The following VWDE variants were observed in gnomAD, a reference collection of about 807,000 sequenced individuals.
The protein encoded by VWDE is von Willebrand factor D and EGF domain-containing protein.
A neutral mutation model predicts 178.4 loss-of-function variants in VWDE; 207 were observed. The ratio of observed to expected loss-of-function variants is 1.16; its 90% CI spans 1.04 to 1.30. The LOEUF (loss-of-function observed/expected upper bound fraction) is 1.30, where lower values mean the gene tolerates loss of function less well. Among genes scored for constraint, VWDE ranks in the 50% most tolerant of loss-of-function variants. The pLI is 0.00. For missense variants in VWDE, 2,287 were observed against 1,901.3 expected (o/e 1.20, Z -3.77); for synonymous variants, 738 against 651.4 (o/e 1.13, Z -2.02).
Position 12,337,209 on chromosome 7 carries a change from C to T in VWDE, c.4430G>A (p.Arg1477His), listed in dbSNP as rs200831817. The T allele has an allele frequency of 3.8e-4, 592 of 1,551,940 alleles. 1 individual carries two copies. The Middle Eastern group carries it at 0.016, about 42-fold the overall frequency. Reference sequence around the variant, plus strand: ...GAATCTCCTACCAGTGTATCCTTCACGACAGACGCACACATTATTTCTCAT... The same window carrying T: ...GAATCTCCTACCAGTGTATCCTTCATGACAGACGCACACATTATTTCTCAT... ...HCMRNNVCVCREGYTGRRFQK... is the reference protein window; with the variant it reads ...HCMRNNVCVCHEGYTGRRFQK... The change falls in exon 25 of 29, where the codon CGT becomes CAT. Residue 1477 changes from arginine (R) to histidine (H), a missense_variant. Physicochemically the swap from Arg to His is conservative, Grantham distance 29 (BLOSUM62 0). Coordinates refer to ENST00000275358, the MANE Select transcript of VWDE (RefSeq NM_001135924.3).
chr7:12,379,432 G>T, intron 6 of VWDE, 45 bp downstream of exon 6: 1 of 1,395,900 alleles, frequency 7.2e-7, no homozygotes, highest in Non-Finnish European at 9.9e-7. Context: ...GGGAAACATA[G>T]TTCCAGAGGA....
chr7:12,361,184 A>G lies in VWDE; in HGVS notation c.3122T>C (p.Val1041Ala), dbSNP rs1203494573. Residue 1041 changes from valine to alanine, a missense_variant, in exon 15 of 29, where the codon GTT becomes GCT. Physicochemically the swap from Val to Ala is moderately conservative, Grantham distance 64. Transcript: ENST00000275358. The part of the protein sequence containing the change: ...ITVIYDGACQ[V>A]CGLYKNDSCT... ...TGAGTCATTTTTATAGAGACCACAAACTTGGCAAGCACCATCATATATGAC... is the reference window on the plus strand; with the variant it reads ...TGAGTCATTTTTATAGAGACCACAAGCTTGGCAAGCACCATCATATATGAC... The G allele has an allele frequency of 6.5e-7, 1 of 1,546,782 alleles. No homozygotes were observed. The highest frequency in any genetic ancestry group is 8.7e-7 in the Non-Finnish European group (1 of 1,143,124).
Position 12,373,111 on chromosome 7 carries a change from C to T in VWDE, c.1453G>A (p.Glu485Lys), listed in dbSNP as rs1300520331. The T allele has an allele frequency of 3.9e-6, 6 of 1,551,338 alleles. No homozygotes were observed. Among genetic ancestry groups the T allele is most frequent in the Non-Finnish European group, 4.4e-6 (5 of 1,146,786 alleles). Reference sequence around the variant, plus strand: ...TCAAAAGTAACTATATCACCTCCTTCCTGGGCAACAAACCCACAATTACAT... The same window carrying T: ...TCAAAAGTAACTATATCACCTCCTTTCTGGGCAACAAACCCACAATTACAT... ...VSCNCGFVAQ[E>K]GGDIVTFDMC... is the part of the protein sequence containing the mutation. Residue 485 changes from glutamate to lysine, a missense_variant, in exon 10 of 29, where the codon GAA becomes AAA. Glu to Lys is a moderately conservative substitution (Grantham distance 56). Transcript: ENST00000275358.
chr7:12,386,833 G>C (rs991316345), intron 3 of VWDE, among the ~76,000 whole-genome samples: 1 of 152,070 alleles, frequency 6.6e-6, no homozygotes, highest in African/African-American at 2.4e-5. Context: ...GTGCCATGTG[G>C]GCAGGGACCA....
intron 28 of VWDE, among the ~76,000 whole-genome samples, chr7:12,331,958 A>C (rs1245624041): frequency 6.6e-6 from 1 of 152,102 alleles, no homozygotes; most frequent in African/African-American, 2.4e-5. Flanking sequence ...TGCAATCAGT[A>C]AGCTCCATTT....
chr7:12,351,635 T>C lies in VWDE; in HGVS notation c.3824A>G (p.Glu1275Gly). The stretch of plus-strand genomic sequence containing the variant: ...TCTCCCTTGGGCATTTTTATCATCC[T>C]CTTCTTTATTTACACTTTTATCAGA... ...TRSDKSVNKE[E>G]DDKNAQGRKR... Residue 1275 changes from glutamate (E) to glycine (G), a missense_variant, in exon 19 of 29, where the codon GAG (glutamate) becomes GGG (glycine). Transcript: ENST00000275358. 6.5e-7 allele frequency: 1 copy of C among 1,547,308 alleles called. No individual in the cohort carries two copies. Among genetic ancestry groups the C allele is most frequent in the Non-Finnish European group, 8.7e-7 (1 of 1,145,558 alleles).
Position 12,341,092 on chromosome 7 carries a change from A to G in VWDE, c.4271-675T>C, listed in dbSNP as rs548594413. Among the ~76,000 whole-genome samples the G allele has an allele frequency of 2.0e-5, 3 of 152,302 alleles. No homozygotes were observed. In the South Asian group the frequency reaches 6.2e-4, roughly 32 times the overall value. Reference sequence around the variant, plus strand: ...TGCTTCTAAGGAACTGTGTTTCAATAACATTACTTATCATAACTCAACTTG... The same window carrying G: ...TGCTTCTAAGGAACTGTGTTTCAATGACATTACTTATCATAACTCAACTTG... On this transcript the variant is annotated intron_variant, in intron 23 of 28. Coordinates refer to ENST00000275358, the MANE Select transcript of VWDE (RefSeq NM_001135924.3).
chr7:12,357,161 T>C (rs1782292431), intron 17 of VWDE, 104 bp downstream of exon 17: 3 of 1,372,082 alleles, frequency 2.2e-6, no homozygotes, highest in African/African-American at 2.9e-5. Context: ...TTTAATAACT[T>C]TGTTGCTCTT....
intron 1 of VWDE, among the ~76,000 whole-genome samples, chr7:12,398,936 T>G (rs922997407): frequency 2.0e-5 from 3 of 152,068 alleles, no homozygotes; most frequent in African/African-American, 7.2e-5. Flanking sequence ...AACTACCTAT[T>G]GGGTACTATA....
intron 12 of VWDE, among the ~76,000 whole-genome samples, chr7:12,368,130 G>T (rs1782962881): frequency 6.6e-6 from 1 of 151,192 alleles, no homozygotes. Flanking sequence ...TTCAACAAAT[G>T]TTTAGTAATT....
intron 18 of VWDE, chr7:12,354,259 T>G (rs1782100845): frequency 2.8e-6 from 1 of 351,510 alleles, no homozygotes; most frequent in Non-Finnish European, 5.5e-6. Context: ...TTACACTAAA[T>G]AAATACATGA....
intron 13 of VWDE, among the ~76,000 whole-genome samples, chr7:12,362,503 C>T (rs1329427801): frequency 1.3e-5 from 2 of 152,060 alleles, no homozygotes; most frequent in African/African-American, 4.8e-5. Context: ...ATGCACTGGT[C>T]CCAAAAGAAG....
intron 21 of VWDE, among the ~76,000 whole-genome samples, chr7:12,343,553 T>A (rs1781441886): frequency 6.6e-6 from 1 of 152,180 alleles, no homozygotes; most frequent in African/African-American, 2.4e-5. Flanking sequence ...CTAAATTTAC[T>A]TTAATTTGTT....
intron 19 of VWDE, among the ~76,000 whole-genome samples, chr7:12,351,074 T>C (rs776695471): frequency 6.6e-6 from 1 of 152,068 alleles, no homozygotes; most frequent in Non-Finnish European, 1.5e-5. Context: ...TTGAGAGATA[T>C]CCCATTCACA....
intron 13 of VWDE, among the ~76,000 whole-genome samples, chr7:12,365,612 G>C (rs530834178): frequency 2.0e-5 from 3 of 152,146 alleles, no homozygotes; most frequent in Admixed American, 2.0e-4. Context: ...TTAGCTTAGT[G>C]GCAGGGCGAG....
Position 12,369,635 on chromosome 7 carries a change from G to C in VWDE, c.2671C>G (p.Pro891Ala). ...IEDILSVLKCPNLCSGNGQCM... is the reference protein window; with the variant it reads ...IEDILSVLKCANLCSGNGQCM... ...TGCCCATTGCCGCTGCATAAATTGG[G>C]GCATTTTAATACTGAGAGAATGTCT... Residue 891 changes from proline to alanine, a missense_variant, in exon 12 of 29, where the codon CCC becomes GCC. Physicochemically the swap from Pro to Ala is conservative, Grantham distance 27. Coordinates refer to ENST00000275358, the MANE Select transcript of VWDE (RefSeq NM_001135924.3). 1 of 1,551,412 alleles carries C rather than the reference G, an allele frequency of 6.4e-7. No individual in the cohort carries two copies. Among genetic ancestry groups the C allele is most frequent in the South Asian group, 1.2e-5 (1 of 84,062 alleles).
rs386465032 is a variant in VWDE at position 12,377,870 on chromosome 7, C to G, written c.930G>C (p.Leu310=). 4.7e-5 allele frequency: 72 copies of G among 1,526,748 alleles called. No individual in the cohort carries two copies. In the East Asian group the frequency reaches 1.8e-3, roughly 38 times the overall value. The allele number at this position is 1,526,748 out of a possible 1,614,324, so 94.6% of individuals were successfully genotyped here. A position where few individuals can be genotyped will look rare whatever the true frequency, so the allele number is the denominator to read the frequency against. The part of the protein sequence containing the change: ...TISEDGKEYY[L]RIESTVPIIC... ...TAATAGGAACTGTGCTTTCTATCCT[C>G]AGGTAGTATTCTTTCCCATCCTCTG... The change falls in exon 7 of 29, where the codon CTG becomes CTC. Residue 310 remains leucine (L), a synonymous_variant. Coordinates refer to ENST00000275358, the MANE Select transcript of VWDE (RefSeq NM_001135924.3).
intron 1 of VWDE, among the ~76,000 whole-genome samples, chr7:12,399,808 C>A (rs574247729): frequency 1.3e-5 from 2 of 151,838 alleles, no homozygotes; most frequent in African/African-American, 4.8e-5. Context: ...ATAGTAAGAT[C>A]CTATTTCTAA....
chr7:12,379,590 T>G, intron 5 of VWDE, 24 bp from the exon 6 acceptor site: 1 of 1,497,466 alleles, frequency 6.7e-7, no homozygotes, highest in Non-Finnish European at 9.0e-7. Context: ...TAAAAAATAA[T>G]CACTTAGAAA....
Sources: gnomAD v4.1 joint callset for allele counts (sites outside exome capture counted in the v4.1 genomes callset) on GRCh38, gnomAD v4.1.1 for gene constraint, MANE v1.5 for transcripts, NCBI Gene and HGNC (gene_info 2026-07-23, HGNC 2026-07-21) for gene names.